C1orf87: variants seen among roughly 807,000 people sequenced by gnomAD.
The protein encoded by C1orf87 is chromosome 1 open reading frame 87.
In C1orf87, 58 loss-of-function variants were observed where a neutral mutation model predicts 60.5. That is an observed-to-expected ratio of 0.96 (90% CI 0.78 to 1.19). The LOEUF (loss-of-function observed/expected upper bound fraction) is 1.19, where lower values mean the gene tolerates loss of function less well. Among genes scored for constraint, C1orf87 ranks in the 50% most tolerant of loss-of-function variants. The probability of loss-of-function intolerance (pLI) is 0.00; values close to 1 mark genes in which losing one functional copy is unlikely to be tolerated. For missense variants in C1orf87, 673 were observed against 638.6 expected (o/e 1.05, Z -0.58); for synonymous variants, 236 against 227.4 (o/e 1.04, Z -0.34).
intron 7 of C1orf87, 76 bp downstream of exon 7, chr1:60,033,400 G>A: frequency 2.2e-6 from 3 of 1,389,156 alleles, no homozygotes; most frequent in Non-Finnish European, 3.0e-6. Context: ...GATCAGCCCT[G>A]TGCCTTATTG....
intron 8 of C1orf87, among the ~76,000 whole-genome samples, chr1:60,015,481 T>C (rs1645118842): frequency 1.3e-5 from 2 of 152,202 alleles, no homozygotes; most frequent in Admixed American, 6.5e-5. Context: ...GCAGATCACA[T>C]GGCTTAAACA....
At chr1:60,038,563 G>A (rs1645295469) in intron 5 of C1orf87, among the ~76,000 whole-genome samples, 1 of 151,994 alleles carries the variant, frequency 6.6e-6, no homozygotes, top group Non-Finnish European at 1.5e-5. Context: ...GTGGCTTTAA[G>A]CCACAAAGAT....
chr1:60,063,134 C>A (rs1334419743), intron 2 of C1orf87, among the ~76,000 whole-genome samples: 2 of 152,010 alleles, frequency 1.3e-5, no homozygotes, highest in Non-Finnish European at 2.9e-5. Flanking sequence ...TAAGTATCTT[C>A]TGTGATGTTA....
At chr1:59,993,766 T>C (rs1377289063) in intron 11 of C1orf87, among the ~76,000 whole-genome samples, 1 of 150,764 alleles carries the variant, frequency 6.6e-6, no homozygotes, top group Admixed American at 6.6e-5. Context: ...CTTTTTTTTT[T>C]TTTTTTTTTG....
At chr1:60,015,471 G>A (rs184619941) in intron 8 of C1orf87, among the ~76,000 whole-genome samples, 17 of 152,256 alleles carry the variant, frequency 1.1e-4, no homozygotes, top group East Asian at 5.8e-4. Context: ...ACAAAATACC[G>A]CAGATCACAT....
At chr1:60,066,869 C>T (rs1455673847) in intron 2 of C1orf87, among the ~76,000 whole-genome samples, 5 of 152,010 alleles carry the variant, frequency 3.3e-5, no homozygotes, top group African/African-American at 1.2e-4. Flanking sequence ...TGATGTTCCT[C>T]TCCCTGTGTC....
chr1:60,050,686 C>T (rs951319961), intron 3 of C1orf87, among the ~76,000 whole-genome samples: 5 of 151,862 alleles, frequency 3.3e-5, no homozygotes, highest in Admixed American at 6.6e-5. Context: ...TAAAAGCCAG[C>T]GGAGACAGTG....
intron 7 of C1orf87, among the ~76,000 whole-genome samples, chr1:60,029,376 C>A (rs1645220889): frequency 6.6e-6 from 1 of 152,140 alleles, no homozygotes; most frequent in South Asian, 2.1e-4. Context: ...TCTCCAAATT[C>A]GATTGGAATG....
At chr1:60,029,173 G>C (rs1034061217) in intron 7 of C1orf87, among the ~76,000 whole-genome samples, 3 of 151,992 alleles carry the variant, frequency 2.0e-5, no homozygotes, top group African/African-American at 7.3e-5. Flanking sequence ...CAGAACCTTG[G>C]GAGTCATTCT....
intron 2 of C1orf87, among the ~76,000 whole-genome samples, chr1:60,067,570 T>TTTTG (rs1553130267): frequency 1.7e-3 from 257 of 150,126 alleles, no homozygotes; most frequent in African/African-American, 6.1e-3. Flanking sequence ...GTTTTTTTTT[T>TTTTG]TTTTTTTTTT....
Position 60,072,688 on chromosome 1 carries a change from T to A in C1orf87, c.-27-18A>T. ...TCAGATCCCTAGGGGTGAAAATAAG[T>A]AAATTGTTCCTCTTGATTTTCCATT... On this transcript the variant is annotated intron_variant, in intron 1 of 11. Transcript: ENST00000371201. The A allele has an allele frequency of 2.2e-6, 3 of 1,361,708 alleles. No individual in the cohort carries two copies. Among genetic ancestry groups the A allele is most frequent in the Non-Finnish European group, 3.1e-6 (3 of 975,584 alleles). 84.4% of individuals were successfully genotyped at this position (1,361,708 alleles called of 1,614,324 possible).
chr1:60,038,008 C>T lies in C1orf87; in HGVS notation c.847G>A (p.Gly283Ser), dbSNP rs569334802. Residue 283 changes from glycine (G) to serine (S), a missense_variant, in exon 6 of 12, where the codon GGC becomes AGC. By Grantham distance (56) the Gly-to-Ser change is moderately conservative (BLOSUM62 0). Coordinates refer to ENST00000371201, the MANE Select transcript of C1orf87 (RefSeq NM_152377.3). ...AADLRKTESH[G>S]THSQSTPPQH... ...GAAGAGTACCTTTGGCTATGAGTGCCATGACTCTCAGTTTTTCTCAGGTCT... is the reference window on the plus strand; with the variant it reads ...GAAGAGTACCTTTGGCTATGAGTGCTATGACTCTCAGTTTTTCTCAGGTCT... The T allele has an allele frequency of 3.7e-6, 6 of 1,609,050 alleles. No homozygotes were observed. In the South Asian group the frequency reaches 5.5e-5, roughly 15 times the overall value.
At chr1:60,021,039 C>T (rs1054313454) in intron 8 of C1orf87, among the ~76,000 whole-genome samples, 4 of 152,076 alleles carry the variant, frequency 2.6e-5, no homozygotes, top group Admixed American at 6.5e-5. Flanking sequence ...GGCACTTCCC[C>T]CCTCACTGTC....
intron 7 of C1orf87, among the ~76,000 whole-genome samples, chr1:60,029,077 T>C (rs1304084466): frequency 6.6e-6 from 1 of 152,220 alleles, no homozygotes; most frequent in Non-Finnish European, 1.5e-5. Context: ...ACTGAACTCA[T>C]CACTCCTTCC....
chr1:60,010,397 G>A lies in C1orf87; in HGVS notation c.1187C>T (p.Pro396Leu), dbSNP rs1645074954. 1.2e-6 allele frequency: 2 copies of A among 1,612,066 alleles called. No homozygotes were observed. The highest frequency in any genetic ancestry group is 4.5e-5 in the East Asian group (2 of 44,794). Residue 396 changes from proline to leucine, a missense_variant, in exon 9 of 12, where the codon CCT becomes CTT. Transcript: ENST00000371201. Reference protein sequence around the residue: ...RASSDLLSDLPTGKNEKKAPA... With the variant: ...RASSDLLSDLLTGKNEKKAPA... ...AAAAAAATAATGGAACTCACCTGTA[G>A]GCAAATCAGATAACAAATCAGAAGA...
chr1:60,045,032 A>G (rs1319047576), intron 3 of C1orf87, among the ~76,000 whole-genome samples: 2 of 152,250 alleles, frequency 1.3e-5, no homozygotes, highest in African/African-American at 4.8e-5. Flanking sequence ...GCTTATAAAT[A>G]AAACTATTTT....
intron 6 of C1orf87, among the ~76,000 whole-genome samples, chr1:60,034,693 C>T (rs1217980001): frequency 2.6e-5 from 4 of 152,146 alleles, no homozygotes; most frequent in African/African-American, 7.2e-5. Context: ...CTCCTGCACA[C>T]CCCTGATTTA....
rs680390 is a variant in C1orf87, at chr1:60,039,906, A to C, written c.747+11T>G. 6.2e-7 allele frequency: 1 copy of C among 1,610,398 alleles called. No homozygotes were observed. ...AAGGAACCCACACTTCCAATAGTAC[A>C]ATTGCCATACCATTTCAGGAGAACC... On this transcript the variant is annotated intron_variant, in intron 5 of 11. Transcript: ENST00000371201.
chr1:60,012,424 G>A (rs1261646734), intron 8 of C1orf87, among the ~76,000 whole-genome samples: 4 of 152,046 alleles, frequency 2.6e-5, no homozygotes, highest in Non-Finnish European at 1.5e-5. Flanking sequence ...TATATTGCCT[G>A]ATTTGAATGG....
Sources: allele counts gnomAD v4.1 joint callset (sites outside exome capture counted in the v4.1 genomes callset), GRCh38; gene constraint gnomAD v4.1.1; transcripts MANE v1.5; gene names NCBI Gene and HGNC (gene_info 2026-07-23, HGNC 2026-07-21).